Variants in NF1 observed in about 807,000 individuals in gnomAD.
The protein encoded by NF1 is neurofibromin 1, also known as neurofibromin.
Under a neutral mutation model 325.7 loss-of-function variants are expected in NF1, and 122 were observed. The ratio of observed to expected loss-of-function variants is 0.37; its 90% CI spans 0.32 to 0.44. NF1 has a LOEUF of 0.44. NF1 is among the 20% of genes least tolerant of loss of function. The pLI is 1.00. For synonymous variants in NF1, 1,091 were observed against 1,186.0 expected (o/e 0.92, Z 1.65); for missense variants, 2,140 against 3,415.4 (o/e 0.63, Z 9.31).
chr17:31,343,743 C>G (rs1440588948), intron 48 of NF1, among the ~76,000 whole-genome samples: 1 of 151,474 alleles, frequency 6.6e-6, no homozygotes, highest in East Asian at 2.0e-4. Context: ...ATCTCTTGAG[C>G]TTAGGAGTTC....
intron 36 of NF1, among the ~76,000 whole-genome samples, chr17:31,290,185 A>G (rs1567876604): frequency 1.3e-5 from 2 of 152,070 alleles, no homozygotes; most frequent in African/African-American, 2.4e-5. Context: ...GGGATTTTGT[A>G]TAGACCAATC....
At chr17:31,243,652 G>A (rs985728374) in intron 29 of NF1, among the ~76,000 whole-genome samples, 2 of 151,852 alleles carry the variant, frequency 1.3e-5, no homozygotes, top group African/African-American at 2.4e-5. Flanking sequence ...AAGGCCCAAG[G>A]GCTCTTCATT....
intron 36 of NF1, among the ~76,000 whole-genome samples, chr17:31,281,952 C>T (rs1202562843): frequency 2.6e-5 from 4 of 151,344 alleles, no homozygotes; most frequent in African/African-American, 9.7e-5. Flanking sequence ...CCCAACTACT[C>T]AGGAGGCTGA....
intron 36 of NF1, among the ~76,000 whole-genome samples, chr17:31,277,308 A>G (rs554064643): frequency 8.5e-5 from 13 of 152,298 alleles, no homozygotes; most frequent in Admixed American, 2.6e-4. Flanking sequence ...CTTCTCACCA[A>G]TCTTCCATTC....
In NF1 at chr17:31,326,158, A is replaced by C. The variant is rs2069336057; in HGVS notation, c.5174A>C (p.Lys1725Thr). 1 of 1,613,018 alleles carries C rather than the reference A, an allele frequency of 6.2e-7. No individual in the cohort carries two copies. The highest frequency in any genetic ancestry group is 8.5e-7 in the Non-Finnish European group (1 of 1,179,440). Reference protein sequence around the residue: ...LAEHIEHEQQKLPAATLALEE... With the variant: ...LAEHIEHEQQTLPAATLALEE... The stretch of plus-strand genomic sequence containing the variant: ...GAGCACATAGAGCATGAACAACAGA[A>C]ACTACCTGCTGCCACCTTGGCTTTA... Residue 1725 changes from lysine to threonine, a missense_variant, in exon 37 of 58, where the codon AAA (lysine) becomes ACA (threonine). Lys to Thr is a moderately conservative substitution (Grantham distance 78, BLOSUM62 -1). Around this residue, in one of 10 missense-constraint regions of NF1, gnomAD observed 147 missense variants for 186.7 expected, o/e 0.79. Transcript: ENST00000358273.
At chr17:31,130,887 G>T (rs1915326175) in intron 1 of NF1, among the ~76,000 whole-genome samples, 1 of 152,190 alleles carries the variant, frequency 6.6e-6, no homozygotes, top group African/African-American at 2.4e-5. Context: ...TGGGAGGAGG[G>T]TATTGGCAGG....
chr17:31,237,684 A>G (rs539524868), intron 29 of NF1, among the ~76,000 whole-genome samples: 1 of 134,980 alleles, frequency 7.4e-6, no homozygotes, highest in East Asian at 2.1e-4. Flanking sequence ...GCAATTTTCA[A>G]GTGTACATAA....
intron 8 of NF1, among the ~76,000 whole-genome samples, chr17:31,192,553 C>G (rs555467164): frequency 4.4e-4 from 67 of 151,992 alleles, no homozygotes; most frequent in Admixed American, 1.1e-3. Context: ...CAGCAGACTT[C>G]AGAGAGAGAG....
At chr17:31,342,080 T>A (rs565291980) in intron 47 of NF1, among the ~76,000 whole-genome samples, 1 of 152,114 alleles carries the variant, frequency 6.6e-6, no homozygotes, top group Non-Finnish European at 1.5e-5. Context: ...CTGAAAAATA[T>A]AGAAGCAAAA....
intron 16 of NF1, among the ~76,000 whole-genome samples, chr17:31,223,788 T>C (rs2066967586): frequency 6.6e-6 from 1 of 152,180 alleles, no homozygotes; most frequent in Non-Finnish European, 1.5e-5. Flanking sequence ...TGATGAATTC[T>C]AGTTCTAGTT....
At chr17:31,120,786 TA>T (rs57465655) in intron 1 of NF1, among the ~76,000 whole-genome samples, 8,426 of 142,842 alleles carry the variant, frequency 0.059, 603 homozygotes, top group African/African-American at 0.18. Context: ...TTAAAGTATT[TA>T]AAAAAAAAAA....
At position 31,339,359 on chromosome 17, in the gene NF1, G is replaced by A. The variant is rs776125670; in HGVS notation, c.6921+554G>A. ...GTAAAATGAAGTGGCCACTGTTTTAGGATGGTCTGACCTTATCCCATTTTT... is the reference window on the plus strand; with the variant it reads ...GTAAAATGAAGTGGCCACTGTTTTAAGATGGTCTGACCTTATCCCATTTTT... On this transcript the variant is annotated intron_variant, in intron 46 of 57. Coordinates refer to ENST00000358273, the MANE Select transcript of NF1 (RefSeq NM_001042492.3). Among the ~76,000 whole-genome samples the A allele has an allele frequency of 2.6e-5, 4 of 152,258 alleles. No individual in the cohort carries two copies. In the South Asian group the frequency reaches 8.3e-4, roughly 32 times the overall value.
At chr17:31,137,662 A>G (rs546105835) in intron 1 of NF1, 1 of 151,558 alleles carries the variant, frequency 6.6e-6, no homozygotes, top group African/African-American at 2.4e-5. Context: ...TCCTGTGTTG[A>G]TTCCCTTGTT....
intron 36 of NF1, chr17:31,295,507 T>G: frequency 6.2e-7 from 1 of 1,614,164 alleles, no homozygotes; most frequent in Non-Finnish European, 8.5e-7. Flanking sequence ...TGAATAAGCT[T>G]GAGGTAAATC....
Position 31,356,946 on chromosome 17 carries a change from C to G in NF1, c.7739-14C>G, listed in dbSNP as rs758070471. ...CCAGGTGTTTGATCACGTTAATTCC[C>G]TATCTTGCTGCAGAAACTCAGAGGA... On this transcript the variant is annotated splice_polypyrimidine_tract_variant and intron_variant, in intron 52 of 57. Coordinates refer to ENST00000358273, the MANE Select transcript of NF1 (RefSeq NM_001042492.3). 3.1e-6 allele frequency: 5 copies of G among 1,613,610 alleles called. No homozygotes were observed. Among genetic ancestry groups the G allele is most frequent in the Admixed American group, 1.7e-5 (1 of 60,014 alleles).
intron 2 of NF1, among the ~76,000 whole-genome samples, chr17:31,158,439 G>A (rs1597628988): frequency 1.3e-5 from 2 of 152,132 alleles, no homozygotes; most frequent in African/African-American, 2.4e-5. Context: ...ATGAATATGT[G>A]GCTGTGTTCC....
chr17:31,186,732 G>A (rs1031464300), intron 8 of NF1, among the ~76,000 whole-genome samples: 22 of 152,174 alleles, frequency 1.4e-4, no homozygotes, highest in African/African-American at 5.1e-4. Flanking sequence ...ATGCCACTTA[G>A]CCTCTTTCCC....
intron 36 of NF1, among the ~76,000 whole-genome samples, chr17:31,302,444 G>A (rs1420857487): frequency 6.6e-6 from 1 of 152,108 alleles, no homozygotes; most frequent in East Asian, 1.9e-4. Flanking sequence ...ACTTGGCCAA[G>A]TATAAAAACA....
intron 8 of NF1, among the ~76,000 whole-genome samples, chr17:31,189,497 T>C (rs1318801080): frequency 6.6e-6 from 1 of 152,184 alleles, no homozygotes; most frequent in Non-Finnish European, 1.5e-5. Context: ...CATTTTCATC[T>C]TCCCAAAAAG....
Sources: gnomAD v4.1 joint callset for allele counts (sites outside exome capture counted in the v4.1 genomes callset) on GRCh38, gnomAD v4.1.1 for gene constraint, gnomAD v4.1.1 regional missense constraint, MANE v1.5 for transcripts, NCBI Gene and HGNC (gene_info 2026-07-23, HGNC 2026-07-21) for gene names.